DLGAP2: variants seen among roughly 807,000 people sequenced by gnomAD.
DLGAP2 encodes the protein DLG associated protein 2.
DLGAP2 carries 26 observed loss-of-function variants against 100.3 expected under a neutral mutation model. The ratio of observed to expected loss-of-function variants is 0.26; its 90% confidence interval spans 0.19 to 0.36. The LOEUF is 0.36. Ranked by LOEUF, DLGAP2 falls within the 10% of genes least tolerant of loss-of-function variation. The pLI is 1.00. For missense variants in DLGAP2, 1,858 were observed against 1,453.2 expected, an observed-to-expected ratio of 1.28 and a Z score of -4.53; for synonymous variants, 886 against 630.1, an observed-to-expected ratio of 1.41 and a Z score of -6.08.
At chr8:1,652,387 G>T (rs58073719) in intron 8 of DLGAP2, among the ~76,000 whole-genome samples, 2,833 of 152,240 alleles carry the variant, frequency 0.019, 102 homozygotes, top group African/African-American at 0.064. Flanking sequence ...CCCGTGCCTA[G>T]AACAGTGCTT....
At chr8:1,624,446 C>T (rs754426464) in intron 6 of DLGAP2, among the ~76,000 whole-genome samples, 7 of 152,104 alleles carry the variant, frequency 4.6e-5, no homozygotes, top group African/African-American at 1.4e-4. Flanking sequence ...GTATTAAACA[C>T]GCACAGGCAC....
chr8:1,677,524 C>G (rs867831629), intron 11 of DLGAP2, among the ~76,000 whole-genome samples: 6 of 152,150 alleles, frequency 3.9e-5, no homozygotes, highest in Non-Finnish European at 8.8e-5. Context: ...CACAGAGAGA[C>G]ACACACACAC....
At chr8:1,066,271 C>T (rs956314393) in intron 2 of DLGAP2, among the ~76,000 whole-genome samples, 2 of 151,118 alleles carry the variant, frequency 1.3e-5, no homozygotes, top group Non-Finnish European at 2.9e-5. Context: ...TGAGCGAGGA[C>T]AGCTCCCCAC....
rs1477390400 is a variant in DLGAP2 at position 1,565,778 on chromosome 8, G to A, written c.1326G>A (p.Met442Ile). 1.2e-6 allele frequency: 2 copies of A among 1,613,748 alleles called. No homozygotes were observed. The highest frequency in any genetic ancestry group is 2.7e-5 in the African/African-American group (2 of 74,912). Reference protein sequence around the residue: ...RMRSGSYIKAMGDEESGESDS... With the variant: ...RMRSGSYIKAIGDEESGESDS... ...GAAGTGGGAGTTACATTAAAGCCAT[G>A]GGGGACGAGGAGAGCGGAGAGTCAG... is the stretch of plus-strand genomic sequence containing the variant. Residue 442 changes from methionine to isoleucine, a missense_variant, in exon 6 of 15, where the codon ATG (methionine) becomes ATA (isoleucine). Coordinates refer to ENST00000637795, the MANE Select transcript of DLGAP2 (RefSeq NM_001346810.2).
intron 3 of DLGAP2, among the ~76,000 whole-genome samples, chr8:1,480,795 G>T (rs1019445668): frequency 6.6e-6 from 1 of 151,702 alleles, no homozygotes; most frequent in African/African-American, 2.4e-5. Flanking sequence ...GAACCCGGGA[G>T]GCAGAGGTTG....
chr8:750,989 C>T (rs570118530), intron 1 of DLGAP2, among the ~76,000 whole-genome samples: 1 of 152,378 alleles, frequency 6.6e-6, no homozygotes, highest in African/African-American at 2.4e-5. Flanking sequence ...CTTTTTCCAT[C>T]AGCAAACAGG....
At chr8:1,091,934 C>T (rs1172920208) in intron 2 of DLGAP2, among the ~76,000 whole-genome samples, 1 of 152,170 alleles carries the variant, frequency 6.6e-6, no homozygotes, top group Non-Finnish European at 1.5e-5. Flanking sequence ...TGTAGCGGCC[C>T]AGCCTCTGGG....
At chr8:1,348,469 G>A (rs1463644282) in intron 3 of DLGAP2, among the ~76,000 whole-genome samples, 2 of 149,968 alleles carry the variant, frequency 1.3e-5, no homozygotes, top group Admixed American at 6.7e-5. Context: ...CATGGTAACT[G>A]TGTGGAGGTT....
chr8:1,287,165 C>CGT (rs1799942010), intron 3 of DLGAP2, among the ~76,000 whole-genome samples: 5 of 106,610 alleles, frequency 4.7e-5, no homozygotes, highest in Middle Eastern at 9.1e-3. Context: ...TGTGCGCGCG[C>CGT]GCGCGTGGTT....
At chr8:1,451,673 C>G (rs1468094235) in intron 3 of DLGAP2, among the ~76,000 whole-genome samples, 1 of 152,164 alleles carries the variant, frequency 6.6e-6, no homozygotes, top group Non-Finnish European at 1.5e-5. Flanking sequence ...CTGAGGTCCC[C>G]AGCAGCCCCT....
At chr8:871,935 T>C (rs149988230) in intron 1 of DLGAP2, among the ~76,000 whole-genome samples, 3,493 of 152,306 alleles carry the variant, frequency 0.023, 73 homozygotes, top group Non-Finnish European at 0.03. Flanking sequence ...CTTGGTGTTA[T>C]TTGGGCTGTT....
chr8:861,430 C>T (rs1394736621), intron 1 of DLGAP2, among the ~76,000 whole-genome samples: 2 of 152,084 alleles, frequency 1.3e-5, no homozygotes, highest in Non-Finnish European at 2.9e-5. Context: ...AAGTTTGAAG[C>T]CCCTAGCACG....
intron 1 of DLGAP2, among the ~76,000 whole-genome samples, chr8:743,907 T>A (rs111613230): frequency 1.9e-4 from 29 of 152,366 alleles, no homozygotes; most frequent in African/African-American, 6.5e-4. Flanking sequence ...CGGGTCTTCA[T>A]GTCTGGATCA....
chr8:1,055,645 G>A (rs1264452171), intron 2 of DLGAP2, among the ~76,000 whole-genome samples: 4 of 152,174 alleles, frequency 2.6e-5, no homozygotes, highest in Non-Finnish European at 4.4e-5. Context: ...GGAAACAGCC[G>A]TCGGATAGGC....
intron 3 of DLGAP2, among the ~76,000 whole-genome samples, chr8:1,306,074 C>CAAAAAAAAAAAAAAAAA (rs61647224): frequency 3.5e-4 from 41 of 116,434 alleles, no homozygotes; most frequent in Non-Finnish European, 5.2e-4. Context: ...AGAAATTAGG[C>CAAAAAAAAAAAAAAAAA]AAAAAAAAAA....
chr8:979,348 C>G (rs1005442503), intron 2 of DLGAP2, among the ~76,000 whole-genome samples: 1 of 152,156 alleles, frequency 6.6e-6, no homozygotes, highest in Non-Finnish European at 1.5e-5. Flanking sequence ...ATATCCACCC[C>G]ACAAGGGAGA....
chr8:1,440,850 G>C (rs1426427981), intron 3 of DLGAP2, among the ~76,000 whole-genome samples: 2 of 152,158 alleles, frequency 1.3e-5, no homozygotes, highest in Non-Finnish European at 2.9e-5. Context: ...GAACTCTCTG[G>C]AGTGCCCAGG....
At chr8:835,270 A>G (rs1563055834) in intron 1 of DLGAP2, among the ~76,000 whole-genome samples, 2 of 152,046 alleles carry the variant, frequency 1.3e-5, no homozygotes. Context: ...GTTTCTCTTT[A>G]TATTCTTGAA....
At chr8:1,680,976 CTCAA>C (rs1563059129) in intron 12 of DLGAP2, 1 of 152,154 alleles carries the variant, frequency 6.6e-6, no homozygotes, top group Non-Finnish European at 1.5e-5. Flanking sequence ...CTGCATGTCA[CTCAA>C]TCAAGCTGTG....
Sources: allele counts gnomAD v4.1 joint callset (sites outside exome capture counted in the v4.1 genomes callset), GRCh38; gene constraint gnomAD v4.1.1; transcripts MANE v1.5; gene names NCBI Gene and HGNC (gene_info 2026-07-23, HGNC 2026-07-21).